Variants in ZFHX3 observed in about 807,000 individuals in gnomAD.
ZFHX3 encodes the protein zinc finger homeobox protein 3.
Under a neutral mutation model 279.1 loss-of-function variants are expected in ZFHX3, and 42 were observed. The observed-to-expected ratio is 0.15, with a 90% CI of 0.12 to 0.19. ZFHX3 has a LOEUF of 0.19. Ranked by LOEUF, ZFHX3 falls within the 10% of genes least tolerant of loss-of-function variation. The probability of loss-of-function intolerance (pLI) is 1.00; values close to 1 mark genes in which losing one functional copy is unlikely to be tolerated. For synonymous variants in ZFHX3, 2,293 were observed against 1,957.8 expected, an observed-to-expected ratio of 1.17 and a Z score of -4.52; for missense variants, 4,981 against 4,754.0, an observed-to-expected ratio of 1.05 and a Z score of -1.40.
Position 72,787,006 on chromosome 16 carries a change from A to G in ZFHX3, c.*158T>C, listed in dbSNP as rs1441445037. On this transcript the variant is annotated 3_prime_UTR_variant, in exon 10 of 10. Transcript: ENST00000268489. ...TAAAATCACCGGCATAGATAGGTATATGGGAAAACAACCCACGCTTTTTCT... is the reference window on the plus strand; with the variant it reads ...TAAAATCACCGGCATAGATAGGTATGTGGGAAAACAACCCACGCTTTTTCT... 1 of 708,058 alleles carries G rather than the reference A, an allele frequency of 1.4e-6. No individual in the cohort carries two copies. The highest frequency in any genetic ancestry group is 2.0e-6 in the Non-Finnish European group (1 of 512,064). 43.9% of individuals were successfully genotyped at this position (708,058 alleles called of 1,614,324 possible).
At chr16:72,995,992 G>C (rs539173997) in intron 1 of ZFHX3, among the ~76,000 whole-genome samples, 1 of 152,222 alleles carries the variant, frequency 6.6e-6, no homozygotes, top group African/African-American at 2.4e-5. Flanking sequence ...TTACTGCCAG[G>C]TGCGGTGGCT....
chr16:73,700,003 A>G (rs1041296353), intron 1 of ZFHX3, among the ~76,000 whole-genome samples: 6 of 152,156 alleles, frequency 3.9e-5, no homozygotes, highest in Non-Finnish European at 8.8e-5. Context: ...GCAGGAGATC[A>G]CTTAAGCCCA....
intron 2 of ZFHX3, among the ~76,000 whole-genome samples, chr16:73,621,443 A>G (rs1567535108): frequency 1.3e-5 from 2 of 152,238 alleles, no homozygotes; most frequent in South Asian, 2.1e-4. Context: ...ATTAAGGTCA[A>G]ATCTCCCAAG....
At chr16:73,277,987 G>A (rs2014346997) in intron 4 of ZFHX3, among the ~76,000 whole-genome samples, 1 of 152,058 alleles carries the variant, frequency 6.6e-6, no homozygotes, top group Admixed American at 6.5e-5. Context: ...TTAGCAAGGG[G>A]AATATCTGCC....
At chr16:73,366,059 A>G (rs2016523558) in intron 3 of ZFHX3, among the ~76,000 whole-genome samples, 1 of 152,252 alleles carries the variant, frequency 6.6e-6, no homozygotes, top group African/African-American at 2.4e-5. Context: ...TGTTTTCTGC[A>G]CAGGCAGGAA....
At chr16:73,121,396 TG>T (rs1344706055) in intron 7 of ZFHX3, among the ~76,000 whole-genome samples, 1 of 152,204 alleles carries the variant, frequency 6.6e-6, no homozygotes, top group Non-Finnish European at 1.5e-5. Context: ...TTCACCTGTT[TG>T]TTTTTACTTT....
intron 6 of ZFHX3, among the ~76,000 whole-genome samples, chr16:73,135,068 A>G (rs1966765319): frequency 6.6e-6 from 1 of 152,132 alleles, no homozygotes; most frequent in Non-Finnish European, 1.5e-5. Flanking sequence ...AGACTGATAC[A>G]CTCTCTGAAT....
At chr16:73,506,613 T>G (rs914008756) in intron 2 of ZFHX3, among the ~76,000 whole-genome samples, 13 of 152,194 alleles carry the variant, frequency 8.5e-5, no homozygotes, top group African/African-American at 2.7e-4. Flanking sequence ...CCACAGGGGT[T>G]CAGATGGCTT....
rs2035225373 is a variant in ZFHX3 at position 72,783,744 on chromosome 16, G to A, written c.*3420C>T. On this transcript the variant is annotated 3_prime_UTR_variant, in exon 10 of 10. Coordinates refer to ENST00000268489, the MANE Select transcript of ZFHX3 (RefSeq NM_006885.4). ...ATAGGGAGAAAACCAAAAAACGAGTGTCAATGGAGGTGAAGAACTAATTTA... is the reference window on the plus strand; with the variant it reads ...ATAGGGAGAAAACCAAAAAACGAGTATCAATGGAGGTGAAGAACTAATTTA... 1 of 152,156 alleles carries A rather than the reference G, an allele frequency of 6.6e-6. No homozygotes were observed. The highest frequency in any genetic ancestry group is 1.5e-5 in the Non-Finnish European group (1 of 68,020). 9.4% of individuals were successfully genotyped at this position (152,156 alleles called of 1,614,324 possible).
At chr16:73,297,112 C>T (rs565858137) in intron 4 of ZFHX3, among the ~76,000 whole-genome samples, 11 of 151,790 alleles carry the variant, frequency 7.2e-5, no homozygotes, top group African/African-American at 1.9e-4. Context: ...CCCCTGACCT[C>T]GTGATCCGCC....
intron 3 of ZFHX3, among the ~76,000 whole-genome samples, chr16:72,948,686 T>A (rs1042154967): frequency 6.6e-6 from 1 of 152,206 alleles, no homozygotes; most frequent in Non-Finnish European, 1.5e-5. Flanking sequence ...TTTCCTTGGA[T>A]GCAAGAGGCC....
intron 2 of ZFHX3, among the ~76,000 whole-genome samples, chr16:73,457,891 T>C (rs567559273): frequency 6.6e-6 from 1 of 152,346 alleles, no homozygotes; most frequent in South Asian, 2.1e-4. Flanking sequence ...AAAAGCTTGA[T>C]TGGAGTTCCT....
At chr16:73,528,536 T>C (rs1240414739) in intron 2 of ZFHX3, among the ~76,000 whole-genome samples, 3 of 152,172 alleles carry the variant, frequency 2.0e-5, no homozygotes, top group Non-Finnish European at 4.4e-5. Flanking sequence ...TGGACACTAA[T>C]TACTGAAATC....
At position 73,192,216 on chromosome 16, in the gene ZFHX3, C is replaced by T. The variant is rs759914256; in HGVS notation, c.-1103-48385G>A. Among the ~76,000 whole-genome samples the T allele has an allele frequency of 5.3e-5, 8 of 152,266 alleles. 1 individual carries two copies. The South Asian group carries it at 1.7e-3, about 32-fold the overall frequency. ...CTGATCTCCTCCCCAAACACCCTAT[C>T]CCACCGCCGTTGCAAAGCCCTCCCT... On this transcript the variant is annotated intron_variant, in intron 5 of 17. Transcript: ENST00000641206.
intron 3 of ZFHX3, among the ~76,000 whole-genome samples, chr16:72,914,861 T>A (rs2039403529): frequency 6.6e-6 from 1 of 152,032 alleles, no homozygotes; most frequent in Non-Finnish European, 1.5e-5. Context: ...TGTGATGGTG[T>A]GCGCCTATAG....
chr16:73,252,524 T>A (rs113477728), intron 5 of ZFHX3, among the ~76,000 whole-genome samples: 2,134 of 152,004 alleles, frequency 0.014, 49 homozygotes, highest in African/African-American at 0.049. Context: ...GGGGCGGAAG[T>A]GCAGGCACAG....
upstream of ZFHX3, among the ~76,000 whole-genome samples, chr16:73,064,270 C>T (rs1567655809): frequency 6.6e-6 from 1 of 151,910 alleles, no homozygotes; most frequent in Non-Finnish European, 1.5e-5. Flanking sequence ...AGGGAGGTTC[C>T]GCGACGCCCT....
intron 1 of ZFHX3, among the ~76,000 whole-genome samples, chr16:73,821,527 A>G (rs1414774706): frequency 6.6e-6 from 1 of 152,210 alleles, no homozygotes; most frequent in Non-Finnish European, 1.5e-5. Context: ...ACTGGGAATT[A>G]CCCCTACCCC....
chr16:73,367,155 C>A (rs1434766704), intron 3 of ZFHX3, among the ~76,000 whole-genome samples: 2 of 152,174 alleles, frequency 1.3e-5, no homozygotes, highest in Non-Finnish European at 1.5e-5. Flanking sequence ...TTACTAAAAT[C>A]ATTTCAGGGA....
Sources: gnomAD v4.1 joint callset for allele counts (sites outside exome capture counted in the v4.1 genomes callset) on GRCh38, gnomAD v4.1.1 for gene constraint, MANE v1.5 for transcripts, NCBI Gene and HGNC (gene_info 2026-07-23, HGNC 2026-07-21) for gene names.